Variants in KLHL23 observed in about 807,000 individuals in gnomAD.
The protein encoded by KLHL23 is kelch like family member 23, also known as kelch-like protein 23.
In KLHL23, 33 loss-of-function variants were observed where a neutral mutation model predicts 48.9. The observed-to-expected ratio is 0.67, with a 90% CI of 0.51 to 0.90. KLHL23 has a LOEUF of 0.90. Ranked by LOEUF, KLHL23 falls within the 40% of genes least tolerant of loss-of-function variation. The pLI is 0.00. For synonymous variants in KLHL23, 234 were observed against 231.6 expected (o/e 1.01, Z -0.09); for missense variants, 608 against 669.6 (o/e 0.91, Z 1.02).
At chr2:169,744,334 G>C (rs556132573) in intron 3 of KLHL23, among the ~76,000 whole-genome samples, 3 of 152,318 alleles carry the variant, frequency 2.0e-5, no homozygotes, top group African/African-American at 7.2e-5. Flanking sequence ...GTGGTTATGA[G>C]CTGGGCCTTA....
At chr2:169,745,228 C>T (rs1157215996) in intron 3 of KLHL23, among the ~76,000 whole-genome samples, 1 of 151,878 alleles carries the variant, frequency 6.6e-6, no homozygotes, top group Admixed American at 6.6e-5. Flanking sequence ...GAAGAGAACT[C>T]TTGGCTGGGC....
At position 169,749,459 on chromosome 2, in the gene KLHL23, C is replaced by G. The variant is rs372809928; in HGVS notation, c.1404C>G (p.Leu468=). The G allele has an allele frequency of 7.6e-5, 123 of 1,613,542 alleles. No individual in the cohort carries two copies. The highest frequency in any genetic ancestry group is 9.4e-5 in the Non-Finnish European group (111 of 1,179,706). The change falls in exon 4 of 4, where the codon CTC becomes CTG. Residue 468 remains leucine (L), a synonymous_variant. Transcript: ENST00000392647. The stretch of plus-strand genomic sequence containing the variant: ...GCTCAGTTCCGTTTGAAAATAAGCT[C>G]TATCTAGTCGGCGGACAAACTACAA... ...GLCSVPFENK[L]YLVGGQTTIT...
Position 169,750,158 on chromosome 2 carries a change from A to G in KLHL23, c.*426A>G, listed in dbSNP as rs1254195776. The G allele has an allele frequency of 6.6e-6, 1 of 151,692 alleles. No individual in the cohort carries two copies. Among genetic ancestry groups the G allele is most frequent in the Non-Finnish European group, 1.5e-5 (1 of 67,900 alleles). The allele number at this position is 151,692 out of a possible 1,614,324, so 9.4% of individuals were successfully genotyped here. The stretch of plus-strand genomic sequence containing the variant: ...TATACGTATATATGTGTATATATAT[A>G]CACAGTTGAATCAGTGGGATTAATA... On this transcript the variant is annotated 3_prime_UTR_variant, in exon 4 of 4. Transcript: ENST00000392647.
At chr2:169,748,557 C>T (rs535304871) in intron 3 of KLHL23, among the ~76,000 whole-genome samples, 3 of 152,250 alleles carry the variant, frequency 2.0e-5, no homozygotes, top group African/African-American at 7.2e-5. Flanking sequence ...GCTTCAGGCA[C>T]AAAATGTAAG....
At chr2:169,748,785 C>G (rs917848265) in intron 3 of KLHL23, among the ~76,000 whole-genome samples, 3 of 111,692 alleles carry the variant, frequency 2.7e-5, no homozygotes, top group African/African-American at 1.0e-4. Context: ...CCCCCCCCCC[C>G]CATATACATA....
intron 3 of KLHL23, 115 bp downstream of exon 3, chr2:169,741,652 G>A: frequency 2.4e-6 from 3 of 1,272,270 alleles, no homozygotes; most frequent in South Asian, 1.9e-5. Flanking sequence ...ACTACACATG[G>A]GTAGAATTAA....
Position 169,741,614 on chromosome 2 carries a change from G to A in KLHL23, c.1366+77G>A. On this transcript the variant is annotated intron_variant, in intron 3 of 3. Coordinates refer to ENST00000392647, the MANE Select transcript of KLHL23 (RefSeq NM_144711.6). Reference sequence around the variant, plus strand: ...ATAAAGGATGGCTAAAAATGGACTGGAAATAGAAAATGCTGATTTTATTGT... The same window carrying A: ...ATAAAGGATGGCTAAAAATGGACTGAAAATAGAAAATGCTGATTTTATTGT... 2.0e-6 allele frequency: 3 copies of A among 1,476,918 alleles called. 1 individual carries two copies. Among genetic ancestry groups the A allele is most frequent in the East Asian group, 2.3e-5 (1 of 43,354 alleles). The allele number at this position is 1,476,918 out of a possible 1,614,324, so 91.5% of individuals were successfully genotyped here. A position where few individuals can be genotyped will look rare whatever the true frequency, so the allele number is the denominator to read the frequency against.
At chr2:169,748,300 A>G (rs184946975) in intron 3 of KLHL23, among the ~76,000 whole-genome samples, 6 of 152,366 alleles carry the variant, frequency 3.9e-5, no homozygotes. Flanking sequence ...GCAGCTGTGC[A>G]GAGACCTGGG....
At chr2:169,744,995 T>C (rs913487384) in intron 3 of KLHL23, among the ~76,000 whole-genome samples, 1 of 151,812 alleles carries the variant, frequency 6.6e-6, no homozygotes, top group African/African-American at 2.4e-5. Context: ...TGGAGTGCAG[T>C]GGCACAATCT....
intron 1 of KLHL23, among the ~76,000 whole-genome samples, chr2:169,734,382 G>A (rs1175939160): frequency 6.7e-6 from 1 of 149,250 alleles, no homozygotes; most frequent in Admixed American, 6.7e-5. Context: ...TGGCCCCGGG[G>A]CGGGGCGGTC....
chr2:169,736,526 T>A (rs899386251), intron 2 of KLHL23, among the ~76,000 whole-genome samples: 17 of 152,228 alleles, frequency 1.1e-4, no homozygotes, highest in African/African-American at 3.9e-4. Context: ...AACTTTTTCC[T>A]CTCAAAATAC....
Position 169,749,448 on chromosome 2 carries a change from G to GA in KLHL23, c.1397dup (p.Asn466LysfsTer2). On this transcript the variant is annotated frameshift_variant, in exon 4 of 4. Coordinates refer to ENST00000392647, the MANE Select transcript of KLHL23 (RefSeq NM_144711.6). LOFTEE classifies it high-confidence loss of function. The stretch of plus-strand genomic sequence containing the variant: ...ATATGGATTGTGCTCAGTTCCGTTT[G>GA]AAAATAAGCTCTATCTAGTCGGCGG... 6.2e-7 allele frequency: 1 copy of GA among 1,611,604 alleles called. No individual in the cohort carries two copies.
rs1424337430 is a variant in KLHL23, at chr2:169,735,458, T to G, written c.444T>G (p.Phe148Leu). Reference sequence around the variant, plus strand: ...TTGGAATGCACTCCTTTGCAGAATTTCATGTGTGTCCAGAACTAGAGAAGG... The same window carrying G: ...TTGGAATGCACTCCTTTGCAGAATTGCATGTGTGTCCAGAACTAGAGAAGG... ...NCIGMHSFAE[F>L]HVCPELEKES... The change falls in exon 2 of 4, where the codon TTT (phenylalanine) becomes TTG (leucine). Residue 148 changes from phenylalanine to leucine, a missense_variant. Around this residue, in one of 3 missense-constraint regions of KLHL23, gnomAD observed 419 missense variants for 473.1 expected, o/e 0.89. Coordinates refer to ENST00000392647, the MANE Select transcript of KLHL23 (RefSeq NM_144711.6). This position sits in a 1 kb window ranked among gnomAD's most constrained non-coding sequence, Gnocchi z 4.5. 1.9e-6 allele frequency: 3 copies of G among 1,614,062 alleles called. No individual in the cohort carries two copies. Among genetic ancestry groups the G allele is most frequent in the African/African-American group, 1.3e-5 (1 of 75,076 alleles).
chr2:169,743,174 C>G (rs989356309), intron 3 of KLHL23, among the ~76,000 whole-genome samples: 3 of 152,016 alleles, frequency 2.0e-5, no homozygotes, highest in African/African-American at 7.3e-5. Flanking sequence ...AAAGAAAATC[C>G]GATACATGAA....
chr2:169,734,427 G>C (rs2105638392), intron 1 of KLHL23, among the ~76,000 whole-genome samples: 1 of 150,880 alleles, frequency 6.6e-6, no homozygotes, highest in South Asian at 2.1e-4. Context: ...CCCAGGCGCG[G>C]GGCGCGCGGA....
chr2:169,742,043 A>G (rs926467710), intron 3 of KLHL23, among the ~76,000 whole-genome samples: 1 of 152,212 alleles, frequency 6.6e-6, no homozygotes, highest in Non-Finnish European at 1.5e-5. Flanking sequence ...TAACACTCAT[A>G]CAGGGAACAT....
rs1688445175 is a variant in KLHL23 at position 169,733,902 on chromosome 2, G to C, written c.-188G>C. 1 of 152,154 alleles carries C rather than the reference G, an allele frequency of 6.6e-6. No homozygotes were observed. The highest frequency in any genetic ancestry group is 6.5e-5 in the Admixed American group (1 of 15,268). The allele number at this position is 152,154 out of a possible 1,614,324, so 9.4% of individuals were successfully genotyped here. ...GGCCTCGCGCCCAGACCGTGCGGGG[G>C]GCTGTTCGGGTGGAGGCGGGGGAGC... On this transcript the variant is annotated 5_prime_UTR_variant, in exon 1 of 4. Transcript: ENST00000392647.
At position 169,751,239 on chromosome 2, in the gene KLHL23, T is replaced by G. The variant is rs1430249269; in HGVS notation, c.*1507T>G. 1 of 152,224 alleles carries G rather than the reference T, an allele frequency of 6.6e-6. No homozygotes were observed. Among genetic ancestry groups the G allele is most frequent in the African/African-American group, 2.4e-5 (1 of 41,456 alleles). 9.4% of individuals were successfully genotyped at this position (152,224 alleles called of 1,614,324 possible). A position where few individuals can be genotyped will look rare whatever the true frequency, so the allele number is the denominator to read the frequency against. On this transcript the variant is annotated 3_prime_UTR_variant, in exon 4 of 4. Coordinates refer to ENST00000392647, the MANE Select transcript of KLHL23 (RefSeq NM_144711.6). ...GTTGGGATGTGTTGCTTAACTCCTT[T>G]ACACCATTAGTTATCTGTGAGACCA...
intron 2 of KLHL23, 141 bp from the exon 3 acceptor site, chr2:169,741,244 C>T: frequency 2.7e-6 from 3 of 1,114,516 alleles, no homozygotes; most frequent in African/African-American, 1.6e-5. Flanking sequence ...CTTTTTTATT[C>T]TTTTGTCCCT....
Sources: allele counts gnomAD v4.1 joint callset (sites outside exome capture counted in the v4.1 genomes callset), GRCh38; gene constraint gnomAD v4.1.1; regional missense constraint gnomAD v4.1.1; non-coding constraint Gnocchi (gnomAD v3.1); transcripts MANE v1.5; gene names NCBI Gene and HGNC (gene_info 2026-07-23, HGNC 2026-07-21).